Variants in CCDC180 observed in about 807,000 individuals in gnomAD.
CCDC180 encodes coiled-coil domain-containing protein 180.
CCDC180 carries 154 observed loss-of-function variants against 209.2 expected under a neutral mutation model. That is an observed-to-expected ratio of 0.74 (90% confidence interval 0.65 to 0.84). CCDC180 has a LOEUF of 0.84. CCDC180 is among the 40% of genes least tolerant of loss of function. The pLI is 0.00. For missense variants in CCDC180, 1,874 were observed against 1,997.3 expected (o/e 0.94, Z 1.18); for synonymous variants, 778 against 749.1 (o/e 1.04, Z -0.63).
At position 97,366,972 on chromosome 9, in the gene CCDC180, G is replaced by A; in HGVS notation, c.4189+272G>A. On this transcript the variant is annotated intron_variant, in intron 31 of 36. Transcript: ENST00000529487. The surrounding 1 kb of genome is among the most constrained non-coding windows in gnomAD (Gnocchi z 4.3). The stretch of plus-strand genomic sequence containing the variant: ...GTTTCTTCTACAGATATTTTTGACA[G>A]CTTTGTTGAGATACTTGGGTACCAT... Among the ~76,000 whole-genome samples, 1 of 152,190 alleles carries A rather than the reference G, an allele frequency of 6.6e-6. No individual in the cohort carries two copies. The highest frequency in any genetic ancestry group is 1.9e-4 in the East Asian group (1 of 5,200).
At chr9:97,325,284 G>T in intron 14 of CCDC180, 92 bp downstream of exon 14, 1 of 1,373,246 alleles carries the variant, frequency 7.3e-7, no homozygotes, top group Non-Finnish European at 9.8e-7. Context: ...CTTAAGCTAT[G>T]AAATTTGTGC....
At chr9:97,338,339 C>A (rs1218528847) in intron 18 of CCDC180, among the ~76,000 whole-genome samples, 1 of 152,176 alleles carries the variant, frequency 6.6e-6, no homozygotes, top group Non-Finnish European at 1.5e-5. Context: ...TTAAATGTGT[C>A]CCAGAGATTC....
intron 24 of CCDC180, among the ~76,000 whole-genome samples, chr9:97,357,130 T>C (rs1826606345): frequency 6.6e-6 from 1 of 152,262 alleles, no homozygotes; most frequent in Non-Finnish European, 1.5e-5. Context: ...ACAGTCTGAC[T>C]GCATCCTTCG....
intron 21 of CCDC180, 30 bp downstream of exon 21, chr9:97,349,321 C>A: frequency 1.3e-6 from 2 of 1,520,752 alleles, no homozygotes; most frequent in Non-Finnish European, 1.8e-6. Context: ...TCCACCCCAG[C>A]CATGTGGCTC....
intron 31 of CCDC180, among the ~76,000 whole-genome samples, chr9:97,368,545 G>GA (rs1234720331): frequency 6.6e-6 from 1 of 152,036 alleles, no homozygotes; most frequent in Admixed American, 6.5e-5. Flanking sequence ...ACTGGGTGAA[G>GA]AAAAAAAACT....
chr9:97,358,440 C>T (rs112112463), intron 25 of CCDC180, among the ~76,000 whole-genome samples: 4 of 152,066 alleles, frequency 2.6e-5, no homozygotes, highest in Non-Finnish European at 4.4e-5. Context: ...TTCTTTTGAT[C>T]GTAGCACAGA....
chr9:97,350,291 C>A, intron 21 of CCDC180, 118 bp from the exon 22 acceptor site: 1 of 975,258 alleles, frequency 1.0e-6, no homozygotes, highest in Non-Finnish European at 1.5e-6. Context: ...CCAGGCTGGT[C>A]ATTATCGTGA....
At chr9:97,324,455 C>A (rs1833462034) in intron 13 of CCDC180, among the ~76,000 whole-genome samples, 1 of 152,164 alleles carries the variant, frequency 6.6e-6, no homozygotes, top group Non-Finnish European at 1.5e-5. Flanking sequence ...ATTTTCCAGC[C>A]ATTTTAAAAC....
chr9:97,313,420 T>C (rs7856924), intron 5 of CCDC180, 75 bp downstream of exon 5: 582,874 of 1,014,046 alleles, frequency 0.57, 170,843 homozygotes, highest in African/African-American at 0.75. Context: ...CTCCCAGCCT[T>C]CCTCCCCCTC....
At position 97,364,095 on chromosome 9, in the gene CCDC180, G is replaced by C. The variant is rs139571342; in HGVS notation, c.3947G>C (p.Arg1316Pro). The change falls in exon 29 of 37, where the codon CGG (arginine) becomes CCG (proline). Residue 1316 changes from arginine to proline, a missense_variant. Transcript: ENST00000529487. ...CCCAACAAAATGGAGAGAAAGTACCGGGTGCTTGGGGACAAGCCTCCCCCT... is the reference window on the plus strand; with the variant it reads ...CCCAACAAAATGGAGAGAAAGTACCCGGTGCTTGGGGACAAGCCTCCCCCT... Reference protein sequence around the residue: ...PKPNKMERKYRVLGDKPPPAA... With the variant: ...PKPNKMERKYPVLGDKPPPAA... 103 of 1,613,952 alleles carry C rather than the reference G, an allele frequency of 6.4e-5. No homozygotes were observed. Among genetic ancestry groups the C allele is most frequent in the Non-Finnish European group, 8.6e-5 (101 of 1,180,002 alleles).
chr9:97,375,715 C>T, intron 36 of CCDC180, 126 bp downstream of exon 36: 6 of 1,116,918 alleles, frequency 5.4e-6, no homozygotes, highest in Non-Finnish European at 6.4e-6. Context: ...CATGTCAGCA[C>T]ACCCCAGAGC....
At chr9:97,350,912 T>C (rs1281846130) in intron 22 of CCDC180, among the ~76,000 whole-genome samples, 1 of 152,234 alleles carries the variant, frequency 6.6e-6, no homozygotes, top group South Asian at 2.1e-4. Context: ...TATTTGTCCT[T>C]TTCTTGTCTG....
intron 19 of CCDC180, 57 bp downstream of exon 19, chr9:97,343,620 G>T: frequency 5.1e-6 from 6 of 1,185,652 alleles, no homozygotes; most frequent in South Asian, 3.1e-5. Flanking sequence ...TAAACAAGGT[G>T]AAATATTAAA....
Position 97,355,014 on chromosome 9 carries a change from A to T in CCDC180, c.3264+6A>T. The T allele has an allele frequency of 6.4e-7, 1 of 1,570,044 alleles. No individual in the cohort carries two copies. Among genetic ancestry groups the T allele is most frequent in the Non-Finnish European group, 8.8e-7 (1 of 1,140,082 alleles). Reference sequence around the variant, plus strand: ...AAGTGAAAATCAAGTGCCAGGTAGGATAGATTCATTCTTCATCAAGGATCT... The same window carrying T: ...AAGTGAAAATCAAGTGCCAGGTAGGTTAGATTCATTCTTCATCAAGGATCT... On this transcript the variant is annotated splice_donor_region_variant and intron_variant, in intron 24 of 36. Transcript: ENST00000529487.
intron 16 of CCDC180, 65 bp from the exon 17 acceptor site, chr9:97,330,089 A>AAAT: frequency 1.1e-5 from 10 of 945,292 alleles, no homozygotes; most frequent in Non-Finnish European, 1.6e-5. Context: ...AAAAAAAAAA[A>AAAT]GGTGGGGGGC....
chr9:97,339,729 C>G (rs1035283542), intron 18 of CCDC180, among the ~76,000 whole-genome samples: 2 of 152,218 alleles, frequency 1.3e-5, no homozygotes, highest in African/African-American at 4.8e-5. Flanking sequence ...GGGAAGTTCT[C>G]CTGGATAATA....
chr9:97,368,088 G>A (rs1182386055), intron 31 of CCDC180, among the ~76,000 whole-genome samples: 1 of 152,186 alleles, frequency 6.6e-6, no homozygotes, highest in Non-Finnish European at 1.5e-5. Flanking sequence ...CTCACAACTA[G>A]TGAAGACTTC....
rs1832849455 is a variant in CCDC180, at chr9:97,307,939, T to C, written c.-81-44T>C. ...CCTCGAGGCCAGACGTCGTCCCGCC[T>C]GGACCTGAACCTGAGTTTGGGACGG... On this transcript the variant is annotated intron_variant, in intron 1 of 36. Coordinates refer to ENST00000529487, the MANE Select transcript of CCDC180 (RefSeq NM_020893.6). 1.9e-6 allele frequency: 3 copies of C among 1,582,230 alleles called. No individual in the cohort carries two copies. The Admixed American group carries it at 5.2e-5, about 28-fold the overall frequency.
chr9:97,331,495 C>A (rs925046724), intron 18 of CCDC180, among the ~76,000 whole-genome samples: 1 of 151,920 alleles, frequency 6.6e-6, no homozygotes, highest in African/African-American at 2.4e-5. Context: ...GAGAAATTGC[C>A]ACACTGGAAT....
Sources: gnomAD v4.1 joint callset for allele counts (sites outside exome capture counted in the v4.1 genomes callset) on GRCh38, gnomAD v4.1.1 for gene constraint, Gnocchi (gnomAD v3.1) non-coding constraint, MANE v1.5 for transcripts, NCBI Gene and HGNC (gene_info 2026-07-23, HGNC 2026-07-21) for gene names.